Variants in PIGV observed in about 807,000 individuals in gnomAD.
PIGV encodes the protein phosphatidylinositol glycan anchor biosynthesis class V, also known as GPI alpha-1,6-mannosyltransferase 2.
In PIGV, 27 loss-of-function variants were observed where a neutral mutation model predicts 39.2. The ratio of observed to expected loss-of-function variants is 0.69; its 90% confidence interval spans 0.51 to 0.95. PIGV has a LOEUF of 0.95. PIGV is among the 40% of genes least tolerant of loss of function. The pLI is 0.00. For synonymous variants in PIGV, 232 were observed against 241.7 expected, an observed-to-expected ratio of 0.96 and a Z score of 0.37; for missense variants, 523 against 586.4, an observed-to-expected ratio of 0.89 and a Z score of 1.12.
Position 26,797,910 on chromosome 1 carries a change from T to C in PIGV, c.*66T>C, listed in dbSNP as rs2081408573. ...AGGGGTCTGAAAGTAAAAATACACATTGGAACTGCCTCTGCTGCCCTGGGA... is the reference window on the plus strand; with the variant it reads ...AGGGGTCTGAAAGTAAAAATACACACTGGAACTGCCTCTGCTGCCCTGGGA... On this transcript the variant is annotated 3_prime_UTR_variant, in exon 4 of 4. Coordinates refer to ENST00000674202, the MANE Select transcript of PIGV (RefSeq NM_017837.4). The C allele has an allele frequency of 5.3e-6, 7 of 1,326,512 alleles. No individual in the cohort carries two copies. In the South Asian group the frequency reaches 8.2e-5, roughly 16 times the overall value. The allele number at this position is 1,326,512 out of a possible 1,614,324, so 82.2% of individuals were successfully genotyped here.
intron 2 of PIGV, among the ~76,000 whole-genome samples, 180 bp downstream of exon 2, chr1:26,791,073 C>A (rs1306040325): frequency 2.6e-5 from 4 of 152,124 alleles, no homozygotes; most frequent in Non-Finnish European, 5.9e-5. Context: ...GTCTGTTGAT[C>A]TTGTTTTACC....
Position 26,800,452 on chromosome 1 carries a change from T to C in PIGV, c.*2608T>C, listed in dbSNP as rs55748276. Among the ~76,000 whole-genome samples, 4,289 of 152,186 alleles carry C rather than the reference T, an allele frequency of 0.028. 67 individuals are homozygous for C. Among genetic ancestry groups the C allele is most frequent in the South Asian group, 0.065 (311 of 4,818 alleles). On this transcript the variant is annotated 3_prime_UTR_variant, in exon 4 of 4. Coordinates refer to ENST00000674202, the MANE Select transcript of PIGV (RefSeq NM_017837.4). Reference sequence around the variant, plus strand: ...CCTCACGTACCTAGAAGTAGATGCTTTTTTTTGTTCTTTAATGAAGGTGGG... The same window carrying C: ...CCTCACGTACCTAGAAGTAGATGCTCTTTTTTGTTCTTTAATGAAGGTGGG...
At chr1:26,791,483 C>G (rs1177618549) in intron 2 of PIGV, among the ~76,000 whole-genome samples, 1 of 152,152 alleles carries the variant, frequency 6.6e-6, no homozygotes, top group African/African-American at 2.4e-5. Flanking sequence ...TAAAATATCA[C>G]GTATATATGA....
intron 2 of PIGV, among the ~76,000 whole-genome samples, chr1:26,793,771 T>A (rs2081342399): frequency 6.6e-6 from 1 of 151,904 alleles, no homozygotes; most frequent in Admixed American, 6.6e-5. Flanking sequence ...CCCAGCTAAT[T>A]TTTATTTTTT....
Position 26,794,390 on chromosome 1 carries a change from T to C in PIGV, c.356T>C (p.Val119Ala). Reference protein sequence around the residue: ...LSLRSCLLISVASLNFLFFML... With the variant: ...LSLRSCLLISAASLNFLFFML... The stretch of plus-strand genomic sequence containing the variant: ...CTACGCAGTTGCCTGCTGATTTCGG[T>C]AGCATCACTCAATTTCTTGTTCTTC... The change falls in exon 3 of 4, where the codon GTA becomes GCA. Residue 119 changes from valine to alanine, a missense_variant. Transcript: ENST00000674202. The C allele has an allele frequency of 6.2e-7, 1 of 1,614,256 alleles. No individual in the cohort carries two copies. Among genetic ancestry groups the C allele is most frequent in the Non-Finnish European group, 8.5e-7 (1 of 1,180,034 alleles).
intron 3 of PIGV, among the ~76,000 whole-genome samples, chr1:26,796,062 G>A (rs1464049495): frequency 1.3e-5 from 2 of 151,302 alleles, no homozygotes; most frequent in African/African-American, 2.4e-5. Context: ...GTTTCACCAC[G>A]TTGGCCAGGC....
intron 1 of PIGV, among the ~76,000 whole-genome samples, chr1:26,790,344 G>A (rs1336779782): frequency 2.6e-5 from 4 of 151,784 alleles, no homozygotes; most frequent in Non-Finnish European, 4.4e-5. Flanking sequence ...ACTTTGGTCT[G>A]TTTCACCATC....
intron 2 of PIGV, 58 bp from the exon 3 acceptor site, chr1:26,794,055 T>C: frequency 1.3e-6 from 2 of 1,508,234 alleles, no homozygotes; most frequent in African/African-American, 1.4e-5. Context: ...TTTTATTAAA[T>C]GGCAATTCTT....
chr1:26,796,335 A>C (rs1389789631), intron 3 of PIGV, among the ~76,000 whole-genome samples: 1 of 151,566 alleles, frequency 6.6e-6, no homozygotes, highest in East Asian at 1.9e-4. Context: ...TGCCTGGCTA[A>C]TTTTTTGTAT....
At chr1:26,796,309 C>T (rs2081383920) in intron 3 of PIGV, among the ~76,000 whole-genome samples, 1 of 151,954 alleles carries the variant, frequency 6.6e-6, no homozygotes, top group South Asian at 2.1e-4. Flanking sequence ...GCTGGGACTA[C>T]AGGCACCTGC....
In PIGV at chr1:26,799,621, G is replaced by A. The variant is rs1284865367; in HGVS notation, c.*1777G>A. 1.3e-5 allele frequency among the ~76,000 whole-genome samples: 2 copies of A among 152,190 alleles called. No homozygotes were observed. Among genetic ancestry groups the A allele is most frequent in the East Asian group, 3.8e-4 (2 of 5,196 alleles). ...CAGCTGAAGGGAAGCTCCTGGCTGA[G>A]CCCCAGCACCCTCTGTTGGAGCTTC... On this transcript the variant is annotated 3_prime_UTR_variant, in exon 4 of 4. Transcript: ENST00000674202.
rs2081410133 is a variant in PIGV at position 26,798,100 on chromosome 1, C to A, written c.*256C>A. 2.0e-6 allele frequency: 1 copy of A among 507,856 alleles called. No homozygotes were observed. The highest frequency in any genetic ancestry group is 1.9e-5 in the African/African-American group (1 of 51,808). The allele number at this position is 507,856 out of a possible 1,614,324, so 31.5% of individuals were successfully genotyped here. A position where few individuals can be genotyped will look rare whatever the true frequency, so the allele number is the denominator to read the frequency against. On this transcript the variant is annotated 3_prime_UTR_variant, in exon 4 of 4. Transcript: ENST00000674202. ...TGTCGTATTCCAAGTCTAAAATACA[C>A]CTGGATCTGTCTAGTCAATCAACAT...
At chr1:26,797,215 C>T (rs2081395085) in intron 3 of PIGV, among the ~76,000 whole-genome samples, 1 of 152,220 alleles carries the variant, frequency 6.6e-6, no homozygotes, top group South Asian at 2.1e-4. Flanking sequence ...ATAAGGGAAC[C>T]ACCTCAGGTT....
At chr1:26,789,769 C>G (rs941574951) in intron 1 of PIGV, among the ~76,000 whole-genome samples, 1 of 152,206 alleles carries the variant, frequency 6.6e-6, no homozygotes, top group African/African-American at 2.4e-5. Flanking sequence ...AAAGAGTCTT[C>G]CAGCCGTCCT....
Position 26,797,611 on chromosome 1 carries a change from C to T in PIGV, c.1249C>T (p.Pro417Ser). 1 of 1,614,122 alleles carries T rather than the reference C, an allele frequency of 6.2e-7. No homozygotes were observed. The highest frequency in any genetic ancestry group is 8.5e-7 in the Non-Finnish European group (1 of 1,179,998). Residue 417 changes from proline to serine, a missense_variant, in exon 4 of 4, where the codon CCA becomes TCA. Physicochemically the swap from Pro to Ser is moderately conservative, Grantham distance 74 (BLOSUM62 -1). Coordinates refer to ENST00000674202, the MANE Select transcript of PIGV (RefSeq NM_017837.4). ...CTCCACTCCTATTATGTACTGGTTT[C>T]CAGCTCACTTGCTTCAGGATCAAGA... ...GSSTPIMYWF[P>S]AHLLQDQEPL...
intron 3 of PIGV, among the ~76,000 whole-genome samples, chr1:26,796,140 G>A (rs528694614): frequency 6.6e-6 from 1 of 150,600 alleles, no homozygotes; most frequent in African/African-American, 2.4e-5. Context: ...GATTACAGGC[G>A]TGAGCTACCA....
chr1:26,789,911 GCCTTTATGACT>G (rs1570634674), intron 1 of PIGV, among the ~76,000 whole-genome samples: 1 of 152,258 alleles, frequency 6.6e-6, no homozygotes, highest in East Asian at 1.9e-4. Context: ...TTCTTGAGGA[GCCTTTATGACT>G]CCTTTTAGCT....
chr1:26,789,748 TAAGAG>T (rs983039426), intron 1 of PIGV, among the ~76,000 whole-genome samples: 3 of 152,202 alleles, frequency 2.0e-5, no homozygotes, highest in Non-Finnish European at 2.9e-5. Flanking sequence ...ATTCGCCAGA[TAAGAG>T]AAGAAAAAGA....
In PIGV at chr1:26,794,644, T is replaced by G; in HGVS notation, c.610T>G (p.Ser204Ala). ...LLFAFATGVR[S>A]NGLVSVGFLM... The stretch of plus-strand genomic sequence containing the variant: ...CTTTGCCTTTGCCACTGGGGTACGC[T>G]CCAACGGGCTGGTCAGTGTTGGCTT... Residue 204 changes from serine (S) to alanine (A), a missense_variant, in exon 3 of 4, where the codon TCC becomes GCC. Ser to Ala is a moderately conservative substitution (Grantham distance 99). Transcript: ENST00000674202. 6.2e-7 allele frequency: 1 copy of G among 1,614,252 alleles called. No individual in the cohort carries two copies. The highest frequency in any genetic ancestry group is 1.3e-5 in the African/African-American group (1 of 75,068).
Sources: allele counts gnomAD v4.1 joint callset (sites outside exome capture counted in the v4.1 genomes callset), GRCh38; gene constraint gnomAD v4.1.1; transcripts MANE v1.5; gene names NCBI Gene and HGNC (gene_info 2026-07-23, HGNC 2026-07-21).